Variants in BRINP1 observed in about 807,000 individuals in gnomAD.
BRINP1 encodes the protein BMP/retinoic acid inducible neural specific 1.
In BRINP1, 17 loss-of-function variants were observed where a neutral mutation model predicts 72.9. The observed-to-expected ratio is 0.23, with a 90% CI of 0.16 to 0.35. The LOEUF (loss-of-function observed/expected upper bound fraction) is 0.35. BRINP1 is among the 10% of genes least tolerant of loss of function. The pLI is 1.00. For missense variants in BRINP1, 850 were observed against 1,001.6 expected (o/e 0.85, Z 2.04); for synonymous variants, 418 against 378.5 (o/e 1.10, Z -1.21).
At chr9:119,216,261 C>A (rs541094715) in intron 5 of BRINP1, among the ~76,000 whole-genome samples, 1 of 152,268 alleles carries the variant, frequency 6.6e-6, no homozygotes, top group East Asian at 1.9e-4. Flanking sequence ...CCTGTTGAAC[C>A]AGCATTGGTG....
chr9:119,226,660 A>C (rs1239475338), intron 5 of BRINP1, among the ~76,000 whole-genome samples: 1 of 61,208 alleles, frequency 1.6e-5, no homozygotes, highest in Non-Finnish European at 3.6e-5. Flanking sequence ...AGTATCATCT[A>C]TTCTAGGGTT....
At chr9:119,283,191 T>A in intron 2 of BRINP1, 1 of 984,544 alleles carries the variant, frequency 1.0e-6, no homozygotes, top group Non-Finnish European at 1.2e-6. Context: ...TTCTTTAGAA[T>A]GAAGGGGTGG....
At chr9:119,341,433 C>T (rs905174956) in intron 1 of BRINP1, among the ~76,000 whole-genome samples, 1 of 152,144 alleles carries the variant, frequency 6.6e-6, no homozygotes, top group Non-Finnish European at 1.5e-5. Context: ...CCCCAACTTA[C>T]AATGGTTTGA....
At chr9:119,265,284 C>G (rs559018617) in intron 2 of BRINP1, among the ~76,000 whole-genome samples, 88 of 152,190 alleles carry the variant, frequency 5.8e-4, no homozygotes, top group Middle Eastern at 3.4e-3. Context: ...ATTCTTAACA[C>G]CTAGCTCAGG....
At chr9:119,300,388 C>T (rs965754746) in intron 2 of BRINP1, among the ~76,000 whole-genome samples, 1 of 152,116 alleles carries the variant, frequency 6.6e-6, no homozygotes, top group African/African-American at 2.4e-5. Flanking sequence ...CTCTTTGAAA[C>T]ACAAACGATA....
At chr9:119,210,044 T>C (rs1280826806) in intron 6 of BRINP1, among the ~76,000 whole-genome samples, 1 of 152,232 alleles carries the variant, frequency 6.6e-6, no homozygotes, top group Non-Finnish European at 1.5e-5. Flanking sequence ...AATTATCTAG[T>C]TCAGCTCTTT....
At chr9:119,234,767 G>A (rs984905929) in intron 5 of BRINP1, among the ~76,000 whole-genome samples, 4 of 152,020 alleles carry the variant, frequency 2.6e-5, no homozygotes, top group African/African-American at 9.7e-5. Context: ...TCCACTAGGA[G>A]AATATGATAC....
intron 1 of BRINP1, among the ~76,000 whole-genome samples, chr9:119,352,415 A>G (rs1004489819): frequency 1.3e-5 from 2 of 152,022 alleles, no homozygotes; most frequent in East Asian, 3.9e-4. Context: ...TCATGATTCT[A>G]TGATTTCTAA....
chr9:119,192,228 GCTA>G (rs1829690610), intron 7 of BRINP1, among the ~76,000 whole-genome samples: 1 of 151,930 alleles, frequency 6.6e-6, no homozygotes, highest in Non-Finnish European at 1.5e-5. Flanking sequence ...AAAAGCTCAG[GCTA>G]CAAAAACAAA....
intron 1 of BRINP1, among the ~76,000 whole-genome samples, chr9:119,333,641 G>A (rs1831322097): frequency 6.6e-6 from 1 of 152,090 alleles, no homozygotes; most frequent in Admixed American, 6.6e-5. Context: ...TATATTTGGA[G>A]TAGGAGAGAA....
chr9:119,263,695 C>T (rs570148190), intron 2 of BRINP1, among the ~76,000 whole-genome samples: 1 of 144,594 alleles, frequency 6.9e-6, no homozygotes, highest in African/African-American at 2.5e-5. Flanking sequence ...GCAAACTCCG[C>T]CTCCTGGGTT....
chr9:119,256,094 C>T (rs1449433064), intron 2 of BRINP1, among the ~76,000 whole-genome samples: 1 of 151,942 alleles, frequency 6.6e-6, no homozygotes, highest in African/African-American at 2.4e-5. Flanking sequence ...CATCTTTAAC[C>T]CTGTATCCTC....
intron 1 of BRINP1, among the ~76,000 whole-genome samples, chr9:119,336,078 T>C (rs115364693): frequency 6.6e-6 from 1 of 152,334 alleles, no homozygotes; most frequent in African/African-American, 2.4e-5. Flanking sequence ...GTTATTGGCA[T>C]CACCATTTAC....
chr9:119,167,288 G>C lies in BRINP1; in HGVS notation c.2082C>G (p.Leu694=). 6.2e-7 allele frequency: 1 copy of C among 1,614,164 alleles called. No homozygotes were observed. The highest frequency in any genetic ancestry group is 8.5e-7 in the Non-Finnish European group (1 of 1,180,028). ...GQFYSSSSVM[L]LLLDIRDRIN... The stretch of plus-strand genomic sequence containing the variant: ...TTCGGTCCCGAATATCCAACAAGAG[G>C]AGCATCACTGACGAAGAGGAATAGA... The change falls in exon 8 of 8, where the codon CTC becomes CTG. Residue 694 remains leucine, a synonymous_variant. Coordinates refer to ENST00000265922, the MANE Select transcript of BRINP1 (RefSeq NM_014618.3). The surrounding 1 kb of genome is among the most constrained non-coding windows in gnomAD (Gnocchi z 4.3).
chr9:119,230,744 G>A (rs567410725), intron 5 of BRINP1, among the ~76,000 whole-genome samples: 1 of 152,054 alleles, frequency 6.6e-6, no homozygotes, highest in African/African-American at 2.4e-5. Flanking sequence ...AGAGAAGGAA[G>A]ATAAATGATT....
At chr9:119,243,614 T>C (rs1183591205) in intron 3 of BRINP1, among the ~76,000 whole-genome samples, 2 of 152,188 alleles carry the variant, frequency 1.3e-5, no homozygotes, top group African/African-American at 4.8e-5. Flanking sequence ...TTCTAGATCT[T>C]TGAGGAATCA....
intron 4 of BRINP1, among the ~76,000 whole-genome samples, chr9:119,239,898 A>T (rs1830230527): frequency 6.6e-6 from 1 of 152,092 alleles, no homozygotes; most frequent in Admixed American, 6.6e-5. Context: ...AAACTTACCA[A>T]TTTACTTTCC....
intron 2 of BRINP1, among the ~76,000 whole-genome samples, chr9:119,296,793 T>C (rs561049503): frequency 1.3e-5 from 2 of 152,180 alleles, no homozygotes; most frequent in Non-Finnish European, 1.5e-5. Flanking sequence ...TTCACTTGTA[T>C]GTGGAATCTA....
rs114612858 is a variant in BRINP1, at chr9:119,187,144, G to A, written c.1146-18920C>T. On this transcript the variant is annotated intron_variant, in intron 7 of 7. Transcript: ENST00000265922. ...ATCCTCTGCTTGGTGGGAGAGCTAA[G>A]AAAGTAAAGCTGCACCCATGTCACA... Among the ~76,000 whole-genome samples, 911 of 151,782 alleles carry A rather than the reference G, an allele frequency of 6.0e-3. 9 individuals carry two copies. The highest frequency in any genetic ancestry group is 0.02 in the African/African-American group (847 of 41,378).
Sources: allele counts gnomAD v4.1 joint callset (sites outside exome capture counted in the v4.1 genomes callset), GRCh38; gene constraint gnomAD v4.1.1; non-coding constraint Gnocchi (gnomAD v3.1); transcripts MANE v1.5; gene names NCBI Gene and HGNC (gene_info 2026-07-23, HGNC 2026-07-21).